The following NAA60 variants were observed in gnomAD, a reference collection of about 807,000 sequenced individuals.
NAA60 encodes the protein N-alpha-acetyltransferase 60, NatF catalytic subunit.
In NAA60, 8 loss-of-function variants were observed where a neutral mutation model predicts 26.1. That is an observed-to-expected ratio of 0.31 (90% confidence interval 0.18 to 0.55). The LOEUF is 0.55. Among genes scored for constraint, NAA60 ranks in the 20% least tolerant of loss-of-function variants. The pLI, the probability that NAA60 is intolerant of heterozygous loss-of-function variation, is 0.93. For synonymous variants in NAA60, 131 were observed against 122.5 expected (o/e 1.07, Z -0.46); for missense variants, 290 against 311.3 (o/e 0.93, Z 0.51).
intron 5 of NAA60, chr16:3,482,809 T>G (rs1373552886): frequency 3.3e-6 from 2 of 599,650 alleles, no homozygotes; most frequent in Non-Finnish European, 6.0e-6. Context: ...GCCATCCTCT[T>G]TCCACATGCC....
chr16:3,470,683 C>G (rs901685011), intron 2 of NAA60, among the ~76,000 whole-genome samples: 8 of 152,222 alleles, frequency 5.3e-5, no homozygotes, highest in East Asian at 3.9e-4. Flanking sequence ...GGGGGGGCCG[C>G]TGGCCCTGCC....
chr16:3,473,025 T>C (rs995596378), intron 2 of NAA60, among the ~76,000 whole-genome samples: 13 of 151,852 alleles, frequency 8.6e-5, no homozygotes, highest in African/African-American at 3.1e-4. Context: ...TTTGTTTTGT[T>C]TTGTTTTGTT....
At chr16:3,451,843 A>T (rs947725735) in intron 2 of NAA60, among the ~76,000 whole-genome samples, 2 of 152,046 alleles carry the variant, frequency 1.3e-5, no homozygotes, top group Admixed American at 1.3e-4. Context: ...ACTTGAGCCC[A>T]GGAGGCAGAA....
chr16:3,443,848 C>T lies in NAA60; in HGVS notation c.-77+11C>T. ...AATCGGTAACAAAATGTGGGTTCGG[C>T]CAACAGTGCCCTGTAGGCCTGAAAT... On this transcript the variant is annotated intron_variant, in intron 1 of 7. Coordinates refer to ENST00000407558, the MANE Select transcript of NAA60 (RefSeq NM_001083601.3). 6.5e-7 allele frequency: 1 copy of T among 1,532,178 alleles called. No homozygotes were observed. Among genetic ancestry groups the T allele is most frequent in the Non-Finnish European group, 8.7e-7 (1 of 1,145,032 alleles). The allele number at this position is 1,532,178 out of a possible 1,614,324, so 94.9% of individuals were successfully genotyped here.
At chr16:3,455,386 G>GTTTTTTTTTTT (rs35501650) in intron 2 of NAA60, among the ~76,000 whole-genome samples, 4 of 101,968 alleles carry the variant, frequency 3.9e-5, no homozygotes, top group South Asian at 3.4e-4. Context: ...AGAGTTTTTA[G>GTTTTTTTTTTT]TTTTTTTTTT....
chr16:3,484,011 A>T (rs958461936), intron 6 of NAA60, among the ~76,000 whole-genome samples: 3 of 152,128 alleles, frequency 2.0e-5, no homozygotes, highest in African/African-American at 7.2e-5. Context: ...AGAGATTTTT[A>T]CTTTTTTTGA....
intron 2 of NAA60, among the ~76,000 whole-genome samples, chr16:3,454,061 A>T (rs1037379910): frequency 3.3e-5 from 5 of 152,224 alleles, no homozygotes; most frequent in African/African-American, 1.2e-4. Flanking sequence ...GGTGAAAATT[A>T]AAATGACTTA....
At chr16:3,483,276 G>A in intron 5 of NAA60, 87 bp from the exon 6 acceptor site, 1 of 960,970 alleles carries the variant, frequency 1.0e-6, no homozygotes, top group Non-Finnish European at 1.6e-6. Flanking sequence ...ACATCTCCGA[G>A]AGACTCATGC....
At chr16:3,479,780 T>C (rs2036711436) in intron 4 of NAA60, among the ~76,000 whole-genome samples, 180 bp downstream of exon 4, 1 of 152,070 alleles carries the variant, frequency 6.6e-6, no homozygotes, top group African/African-American at 2.4e-5. Context: ...TGTGTGTGTG[T>C]GATTTCATGG....
chr16:3,462,104 A>AAAAAAAAAAAAC (rs1414883728), intron 2 of NAA60, among the ~76,000 whole-genome samples: 5 of 151,638 alleles, frequency 3.3e-5, no homozygotes, highest in Non-Finnish European at 4.4e-5. Context: ...AAAAAAAAAA[A>AAAAAAAAAAAAC]ACCTTTCAGT....
At chr16:3,471,617 C>T (rs1288412422) in intron 2 of NAA60, among the ~76,000 whole-genome samples, 1 of 152,194 alleles carries the variant, frequency 6.6e-6, no homozygotes, top group Non-Finnish European at 1.5e-5. Context: ...CTGGGTCCAG[C>T]TCTCAGGTGG....
chr16:3,472,435 G>A (rs990236574), intron 2 of NAA60: 1 of 152,126 alleles, frequency 6.6e-6, no homozygotes, highest in Non-Finnish European at 1.5e-5. Context: ...TTTATTTTTT[G>A]AGACAGAATC....
In NAA60 at chr16:3,485,603, C is replaced by T. The variant is rs899911338; in HGVS notation, c.*343C>T. The stretch of plus-strand genomic sequence containing the variant: ...AGGGGCCTGCCCTCACTGGGCCTCT[C>T]CCACTCCGCTGCCTGTTCTTGCAGC... On this transcript the variant is annotated 3_prime_UTR_variant, in exon 8 of 8. Transcript: ENST00000407558. 2 of 456,166 alleles carry T rather than the reference C, an allele frequency of 4.4e-6. No homozygotes were observed. Among genetic ancestry groups the T allele is most frequent in the African/African-American group, 4.0e-5 (2 of 50,088 alleles). The allele number at this position is 456,166 out of a possible 1,614,324, so 28.3% of individuals were successfully genotyped here. A position where few individuals can be genotyped will look rare whatever the true frequency, so the allele number is the denominator to read the frequency against.
intron 2 of NAA60, chr16:3,458,285 A>G (rs943887810): frequency 4.0e-6 from 3 of 750,134 alleles, no homozygotes; most frequent in Non-Finnish European, 4.9e-6. Flanking sequence ...GCCAGCGCCC[A>G]CCGGGTACGA....
chr16:3,449,626 AGT>A (rs1221948086), intron 2 of NAA60, among the ~76,000 whole-genome samples: 1 of 152,190 alleles, frequency 6.6e-6, no homozygotes, highest in Non-Finnish European at 1.5e-5. Flanking sequence ...TGGAGGTTGC[AGT>A]GAGCTGAGAT....
chr16:3,461,556 G>A (rs1021982987), intron 2 of NAA60, among the ~76,000 whole-genome samples: 1 of 152,186 alleles, frequency 6.6e-6, no homozygotes, highest in African/African-American at 2.4e-5. Context: ...ATGTTGCAAT[G>A]TCTCTTCAAG....
intron 2 of NAA60, among the ~76,000 whole-genome samples, chr16:3,451,917 C>CAA (rs1304441147): frequency 7.1e-6 from 1 of 140,496 alleles, no homozygotes; most frequent in African/African-American, 2.6e-5. Context: ...GACCCTGTCT[C>CAA]AAAAAAAAAA....
intron 2 of NAA60, among the ~76,000 whole-genome samples, chr16:3,454,386 A>G (rs1308854390): frequency 1.3e-5 from 2 of 152,218 alleles, no homozygotes; most frequent in African/African-American, 4.8e-5. Context: ...AATAGGCAAG[A>G]GAAAAGCGAT....
At chr16:3,463,473 G>C (rs1013962632) in intron 2 of NAA60, among the ~76,000 whole-genome samples, 1 of 149,712 alleles carries the variant, frequency 6.7e-6, no homozygotes, top group South Asian at 2.1e-4. Flanking sequence ...GATTACTTGA[G>C]CCCAGGAGGT....
Sources: gnomAD v4.1 joint callset for allele counts (sites outside exome capture counted in the v4.1 genomes callset) on GRCh38, gnomAD v4.1.1 for gene constraint, MANE v1.5 for transcripts, NCBI Gene and HGNC (gene_info 2026-07-23, HGNC 2026-07-21) for gene names.